The following PACC1 variants were observed in gnomAD, a reference collection of about 807,000 sequenced individuals.
PACC1 encodes proton activated chloride channel 1.
PACC1 carries 34 observed loss-of-function variants against 39.7 expected under a neutral mutation model. The ratio of observed to expected loss-of-function variants is 0.86; its 90% CI spans 0.65 to 1.14. The LOEUF (loss-of-function observed/expected upper bound fraction) is 1.14. Ranked by LOEUF, PACC1 falls within the 50% of genes most tolerant of loss-of-function variation. The pLI is 0.00. For missense variants in PACC1, 379 were observed against 436.4 expected, an observed-to-expected ratio of 0.87 and a Z score of 1.17; for synonymous variants, 127 against 160.6, an observed-to-expected ratio of 0.79 and a Z score of 1.58.
intron 2 of PACC1, among the ~76,000 whole-genome samples, chr1:212,407,439 A>G (rs1237354034): frequency 1.3e-5 from 2 of 152,170 alleles, no homozygotes; most frequent in Admixed American, 6.5e-5. Flanking sequence ...AAGATAATAA[A>G]TTTGTGTTTT....
intron 2 of PACC1, among the ~76,000 whole-genome samples, chr1:212,390,764 G>C (rs1661288219): frequency 6.6e-6 from 1 of 152,232 alleles, no homozygotes; most frequent in African/African-American, 2.4e-5. Context: ...TTTTCCAATG[G>C]TCTTAGCAAA....
chr1:212,368,062 G>A (rs79706257), intron 7 of PACC1, among the ~76,000 whole-genome samples: 2,163 of 152,178 alleles, frequency 0.014, 48 homozygotes, highest in African/African-American at 0.048. Context: ...GAAAGATAAG[G>A]GACTTTGCCT....
intron 2 of PACC1, among the ~76,000 whole-genome samples, chr1:212,406,924 CCCT>C (rs1003339610): frequency 2.6e-5 from 4 of 152,218 alleles, no homozygotes; most frequent in African/African-American, 7.2e-5. Context: ...AGTCTGGCCT[CCCT>C]CCTCTTCTTT....
chr1:212,365,896 C>A (rs1553278483), intron 7 of PACC1, among the ~76,000 whole-genome samples: 1 of 152,164 alleles, frequency 6.6e-6, no homozygotes. Flanking sequence ...TAAAACTATA[C>A]CCAGTCCATA....
At chr1:212,382,784 C>T (rs1003318984) in intron 4 of PACC1, among the ~76,000 whole-genome samples, 9 of 152,172 alleles carry the variant, frequency 5.9e-5, no homozygotes, top group African/African-American at 4.8e-5. Flanking sequence ...CCAGGGAGGG[C>T]GTATTTTCTA....
At chr1:212,394,701 C>T (rs1661448744) in intron 2 of PACC1, among the ~76,000 whole-genome samples, 1 of 152,154 alleles carries the variant, frequency 6.6e-6, no homozygotes, top group African/African-American at 2.4e-5. Context: ...CGTCTCAGCC[C>T]AAAATCTCCT....
At chr1:212,382,734 TCACACAAG>T (rs1213355772) in intron 4 of PACC1, among the ~76,000 whole-genome samples, 1 of 152,118 alleles carries the variant, frequency 6.6e-6, no homozygotes, top group Non-Finnish European at 1.5e-5. Flanking sequence ...CTAAAGCTGC[TCACACAAG>T]CAGGAAGTGA....
At chr1:212,378,898 A>G (rs1660766357) in intron 5 of PACC1, among the ~76,000 whole-genome samples, 1 of 151,824 alleles carries the variant, frequency 6.6e-6, no homozygotes, top group South Asian at 2.1e-4. Flanking sequence ...GGCCTTTACA[A>G]TGATCACTTC....
chr1:212,388,041 C>T (rs1407252506), intron 2 of PACC1, among the ~76,000 whole-genome samples: 1 of 136,122 alleles, frequency 7.3e-6, no homozygotes, highest in Non-Finnish European at 1.5e-5. Flanking sequence ...GCAACAAGAG[C>T]GAAACTCCAT....
intron 2 of PACC1, among the ~76,000 whole-genome samples, chr1:212,397,943 T>C (rs755713455): frequency 1.3e-5 from 2 of 152,244 alleles, no homozygotes; most frequent in Non-Finnish European, 2.9e-5. Context: ...GCTTTGCTAC[T>C]AACTACTCCA....
Position 212,365,389 on chromosome 1 carries a change from C to T in PACC1, c.892-13G>A. 2 of 1,562,006 alleles carry T rather than the reference C, an allele frequency of 1.3e-6. No individual in the cohort carries two copies. The highest frequency in any genetic ancestry group is 1.7e-6 in the Non-Finnish European group (2 of 1,148,676). ...TGGCAGTGACTATCTGTGAAGCAAACAGAAACAAACAGGATTACTGGTTTG... is the reference window on the plus strand; with the variant it reads ...TGGCAGTGACTATCTGTGAAGCAAATAGAAACAAACAGGATTACTGGTTTG... On this transcript the variant is annotated splice_polypyrimidine_tract_variant and intron_variant, in intron 7 of 7. Transcript: ENST00000261455.
intron 7 of PACC1, among the ~76,000 whole-genome samples, chr1:212,368,686 AATG>A (rs1660331338): frequency 6.6e-6 from 1 of 152,110 alleles, no homozygotes; most frequent in Non-Finnish European, 1.5e-5. Context: ...AAAAAAAAAG[AATG>A]AAGAACACTC....
At position 212,377,716 on chromosome 1, in the gene PACC1, A is replaced by G. The variant is rs202141204; in HGVS notation, c.639-10T>C. On this transcript the variant is annotated splice_polypyrimidine_tract_variant and intron_variant, in intron 5 of 7. Coordinates refer to ENST00000261455, the MANE Select transcript of PACC1 (RefSeq NM_018252.3). ...GCCTACCCTGTTTGGGCTTGGAGGA[A>G]GGAAGGAGAAGGAAGATCCAGGTCA... is the stretch of plus-strand genomic sequence containing the variant. 4.4e-5 allele frequency: 71 copies of G among 1,613,628 alleles called. 1 individual carries two copies. The African/African-American group carries it at 9.3e-4, about 21-fold the overall frequency.
At chr1:212,404,660 C>T (rs558578690) in intron 2 of PACC1, among the ~76,000 whole-genome samples, 61 of 151,816 alleles carry the variant, frequency 4.0e-4, no homozygotes, top group African/African-American at 1.2e-3. Context: ...GTTACCTTTC[C>T]TTCAGAGTAG....
At chr1:212,390,801 G>A (rs1337517102) in intron 2 of PACC1, among the ~76,000 whole-genome samples, 3 of 152,314 alleles carry the variant, frequency 2.0e-5, no homozygotes, top group Non-Finnish European at 2.9e-5. Context: ...TATATCCCGC[G>A]CCTGGCTCAG....
At chr1:212,373,705 T>A (rs559186047) in intron 7 of PACC1, among the ~76,000 whole-genome samples, 8 of 152,128 alleles carry the variant, frequency 5.3e-5, no homozygotes, top group Non-Finnish European at 1.0e-4. Context: ...GAATAGAGAT[T>A]TATCCCAAAA....
intron 7 of PACC1, among the ~76,000 whole-genome samples, chr1:212,368,611 C>CAA (rs71911683): frequency 3.7e-4 from 2 of 5,406 alleles, no homozygotes; most frequent in East Asian, 3.8e-3. Flanking sequence ...CAGAGTGCCT[C>CAA]ACAGAATTGA....
intron 2 of PACC1, among the ~76,000 whole-genome samples, chr1:212,388,787 T>C (rs1245924561): frequency 2.0e-5 from 3 of 152,184 alleles, no homozygotes; most frequent in African/African-American, 7.2e-5. Context: ...CAGTCTGAGC[T>C]GACTAAGATA....
chr1:212,393,859 C>T (rs1661418046), intron 2 of PACC1, among the ~76,000 whole-genome samples: 1 of 151,596 alleles, frequency 6.6e-6, no homozygotes, highest in African/African-American at 2.4e-5. Flanking sequence ...AATTCCTCGA[C>T]ACATACACCC....
Sources: allele counts gnomAD v4.1 joint callset (sites outside exome capture counted in the v4.1 genomes callset), GRCh38; gene constraint gnomAD v4.1.1; transcripts MANE v1.5; gene names NCBI Gene and HGNC (gene_info 2026-07-23, HGNC 2026-07-21).